FHIT: variants seen among roughly 807,000 people sequenced by gnomAD.
FHIT encodes the protein bis(5'-adenosyl)-triphosphatase.
Under a neutral mutation model 17.9 loss-of-function variants are expected in FHIT, and 19 were observed. The observed-to-expected ratio is 1.06, with a 90% CI of 0.74 to 1.56. FHIT has a LOEUF of 1.56. Among genes scored for constraint, FHIT ranks in the 40% most tolerant of loss-of-function variants. The pLI is 0.00. For missense variants in FHIT, 248 were observed against 189.2 expected, an observed-to-expected ratio of 1.31 and a Z score of -1.82; for synonymous variants, 81 against 69.7, an observed-to-expected ratio of 1.16 and a Z score of -0.81.
intron 5 of FHIT, among the ~76,000 whole-genome samples, chr3:60,454,246 C>G (rs573215643): frequency 6.6e-6 from 1 of 152,242 alleles, no homozygotes; most frequent in Non-Finnish European, 1.5e-5. Flanking sequence ...CTGAAGCATT[C>G]CTCAAGCCAA....
At chr3:59,957,895 C>G (rs1309784307) in intron 7 of FHIT, among the ~76,000 whole-genome samples, 2 of 152,200 alleles carry the variant, frequency 1.3e-5, no homozygotes, top group Non-Finnish European at 2.9e-5. Flanking sequence ...TCAGACATGA[C>G]AGCAAAACTA....
intron 3 of FHIT, among the ~76,000 whole-genome samples, chr3:60,956,415 A>C (rs1007490604): frequency 1.3e-5 from 2 of 152,190 alleles, no homozygotes; most frequent in African/African-American, 4.8e-5. Context: ...CTTGGGCTGC[A>C]GGTTCTTGTG....
At chr3:61,174,054 G>A (rs947540934) in intron 2 of FHIT, among the ~76,000 whole-genome samples, 3 of 152,264 alleles carry the variant, frequency 2.0e-5, no homozygotes, top group Non-Finnish European at 2.9e-5. Flanking sequence ...ATATTAAGGG[G>A]AGTGTGGGAG....
chr3:59,793,559 C>A (rs559025454), intron 8 of FHIT, among the ~76,000 whole-genome samples: 2 of 151,020 alleles, frequency 1.3e-5, no homozygotes, highest in East Asian at 1.9e-4. Context: ...AACCTTCCCC[C>A]TCTTCCCCTC....
intron 8 of FHIT, among the ~76,000 whole-genome samples, chr3:59,831,846 T>C (rs958284475): frequency 1.3e-5 from 2 of 152,190 alleles, no homozygotes; most frequent in South Asian, 2.1e-4. Flanking sequence ...CAGGGTGATA[T>C]AGAGAGGGTT....
intron 8 of FHIT, among the ~76,000 whole-genome samples, chr3:59,839,634 C>T (rs1394254299): frequency 6.6e-6 from 1 of 152,160 alleles, no homozygotes; most frequent in Non-Finnish European, 1.5e-5. Flanking sequence ...CCTGAGCAGG[C>T]AGCCATGGCT....
chr3:60,890,789 A>T (rs1199646070), intron 3 of FHIT, among the ~76,000 whole-genome samples: 2 of 152,192 alleles, frequency 1.3e-5, no homozygotes, highest in Non-Finnish European at 2.9e-5. Flanking sequence ...GGTCCAATTC[A>T]TGACTACATA....
At position 61,059,856 on chromosome 3, in the gene FHIT, C is replaced by G. The variant is rs368898377; in HGVS notation, c.-163-17757G>C. Among the ~76,000 whole-genome samples, 15 of 152,332 alleles carry G rather than the reference C, an allele frequency of 9.8e-5. No homozygotes were observed. In the South Asian group the frequency reaches 2.7e-3, roughly 27 times the overall value. On this transcript the variant is annotated intron_variant, in intron 2 of 9. Transcript: ENST00000492590. Reference sequence around the variant, plus strand: ...AATTGATTCCCAGTGGGGCCCCTGTCTATGTAGGGTCTGAACATTCTCCCC... The same window carrying G: ...AATTGATTCCCAGTGGGGCCCCTGTGTATGTAGGGTCTGAACATTCTCCCC...
At chr3:60,593,022 C>A (rs1553664927) in intron 4 of FHIT, among the ~76,000 whole-genome samples, 1 of 152,112 alleles carries the variant, frequency 6.6e-6, no homozygotes, top group Non-Finnish European at 1.5e-5. Flanking sequence ...ATTGATGGCA[C>A]AGACAGGCAT....
chr3:59,808,853 A>G (rs1386993121), intron 8 of FHIT, among the ~76,000 whole-genome samples: 1 of 152,164 alleles, frequency 6.6e-6, no homozygotes, highest in Non-Finnish European at 1.5e-5. Flanking sequence ...TACTTCACAC[A>G]ACACACACTC....
At chr3:60,055,764 C>T (rs996744037) in intron 5 of FHIT, among the ~76,000 whole-genome samples, 1 of 152,118 alleles carries the variant, frequency 6.6e-6, no homozygotes, top group South Asian at 2.1e-4. Flanking sequence ...GACTTGCCAA[C>T]AGTCACACAA....
intron 3 of FHIT, among the ~76,000 whole-genome samples, chr3:60,861,500 G>A (rs1008535156): frequency 6.6e-6 from 1 of 151,388 alleles, no homozygotes; most frequent in Admixed American, 6.6e-5. Flanking sequence ...AACCAAAAAT[G>A]TCTCCTGACA....
intron 5 of FHIT, among the ~76,000 whole-genome samples, chr3:60,492,125 A>G (rs183765719): frequency 6.6e-6 from 1 of 152,286 alleles, no homozygotes; most frequent in East Asian, 1.9e-4. Flanking sequence ...TCACTTGTTC[A>G]CATAATCTTT....
chr3:59,865,470 T>C (rs1218416544), intron 8 of FHIT, among the ~76,000 whole-genome samples: 2 of 152,240 alleles, frequency 1.3e-5, no homozygotes, highest in South Asian at 2.1e-4. Context: ...TATTACTTTA[T>C]GTAGCTGAAA....
At chr3:61,137,869 C>G (rs1221246474) in intron 2 of FHIT, among the ~76,000 whole-genome samples, 2 of 152,226 alleles carry the variant, frequency 1.3e-5, no homozygotes, top group African/African-American at 4.8e-5. Flanking sequence ...CCTGCAGCCT[C>G]ACACAGTCTT....
At chr3:60,876,888 C>T (rs920957761) in intron 3 of FHIT, among the ~76,000 whole-genome samples, 1 of 152,134 alleles carries the variant, frequency 6.6e-6, no homozygotes, top group Non-Finnish European at 1.5e-5. Context: ...CTCAGGACAG[C>T]CACAAAGAGA....
At chr3:60,200,968 C>T (rs1702874143) in intron 5 of FHIT, among the ~76,000 whole-genome samples, 1 of 152,072 alleles carries the variant, frequency 6.6e-6, no homozygotes, top group Non-Finnish European at 1.5e-5. Context: ...GACAGACAAG[C>T]AACAAAAATA....
intron 7 of FHIT, among the ~76,000 whole-genome samples, chr3:59,944,076 A>G (rs1377028735): frequency 6.6e-6 from 1 of 152,228 alleles, no homozygotes; most frequent in Non-Finnish European, 1.5e-5. Flanking sequence ...TTTTATTGGT[A>G]AAGTTTTAGA....
At chr3:60,413,341 G>A (rs140972918) in intron 5 of FHIT, among the ~76,000 whole-genome samples, 41 of 152,146 alleles carry the variant, frequency 2.7e-4, no homozygotes, top group African/African-American at 9.4e-4. Flanking sequence ...GAGTAAGAGG[G>A]AGAGAGAGAG....
Sources: gnomAD v4.1 joint callset for allele counts (sites outside exome capture counted in the v4.1 genomes callset) on GRCh38, gnomAD v4.1.1 for gene constraint, MANE v1.5 for transcripts, NCBI Gene and HGNC (gene_info 2026-07-23, HGNC 2026-07-21) for gene names.